HCN4: variants seen among roughly 807,000 people sequenced by gnomAD.
The protein encoded by HCN4 is potassium/sodium hyperpolarization-activated cyclic nucleotide-gated channel 4.
Under a neutral mutation model 76.9 loss-of-function variants are expected in HCN4, and 29 were observed. That is an observed-to-expected ratio of 0.38 (90% CI 0.28 to 0.51). HCN4 has a LOEUF of 0.51. Among genes scored for constraint, HCN4 ranks in the 20% least tolerant of loss-of-function variants. The pLI is 0.90. For synonymous variants in HCN4, 772 were observed against 762.5 expected, an observed-to-expected ratio of 1.01 and a Z score of -0.21; for missense variants, 1,416 against 1,715.2, an observed-to-expected ratio of 0.83 and a Z score of 3.08.
intron 4 of HCN4, among the ~76,000 whole-genome samples, chr15:73,327,634 C>T (rs1252574633): frequency 6.6e-6 from 1 of 152,024 alleles, no homozygotes; most frequent in Non-Finnish European, 1.5e-5. Flanking sequence ...TGGGCCCGGA[C>T]TAAGCCCTGA....
intron 1 of HCN4, among the ~76,000 whole-genome samples, chr15:73,351,167 T>C (rs539792343): frequency 6.6e-6 from 1 of 152,236 alleles, no homozygotes; most frequent in South Asian, 2.1e-4. Context: ...CCACTGACTT[T>C]TCTCTGTTCT....
intron 1 of HCN4, among the ~76,000 whole-genome samples, chr15:73,359,148 G>C (rs1056195002): frequency 3.9e-5 from 6 of 152,198 alleles, no homozygotes; most frequent in African/African-American, 1.4e-4. Context: ...GGCCCCCGCA[G>C]CTGCCGTGAT....
chr15:73,368,315 G>A lies in HCN4; in HGVS notation c.-45C>T. The A allele has an allele frequency of 7.2e-7, 1 of 1,383,990 alleles. No homozygotes were observed. The highest frequency in any genetic ancestry group is 3.1e-5 in the East Asian group (1 of 32,494). 85.7% of individuals were successfully genotyped at this position (1,383,990 alleles called of 1,614,324 possible). ...GGACCGGGCCGGGGGCAGGAGCGCG[G>A]CGCCGCGGACGGGCTCCAGGTCCGC... is the stretch of plus-strand genomic sequence containing the variant. On this transcript the variant is annotated 5_prime_UTR_variant, in exon 1 of 8. Coordinates refer to ENST00000261917, the MANE Select transcript of HCN4 (RefSeq NM_005477.3). The surrounding 1 kb of genome is among the most constrained non-coding windows in gnomAD (Gnocchi z 6.9).
At chr15:73,359,145 G>A (rs1294394299) in intron 1 of HCN4, among the ~76,000 whole-genome samples, 3 of 152,182 alleles carry the variant, frequency 2.0e-5, no homozygotes, top group African/African-American at 7.2e-5. Context: ...TCAGGCCCCC[G>A]CAGCTGCCGT....
Position 73,343,255 on chromosome 15 carries a change from G to T in HCN4, c.1209+130C>A. ...AGAGGTCAAGAACTTACTAGTATTTGTCCTCTTGGAGCAGGTGTGCCTGCC... is the reference window on the plus strand; with the variant it reads ...AGAGGTCAAGAACTTACTAGTATTTTTCCTCTTGGAGCAGGTGTGCCTGCC... On this transcript the variant is annotated intron_variant, in intron 2 of 7. Coordinates refer to ENST00000261917, the MANE Select transcript of HCN4 (RefSeq NM_005477.3). The surrounding 1 kb of genome is among the most constrained non-coding windows in gnomAD (Gnocchi z 5.7). The T allele has an allele frequency of 1.2e-6, 1 of 827,374 alleles. No individual in the cohort carries two copies. Among genetic ancestry groups the T allele is most frequent in the Non-Finnish European group, 2.0e-6 (1 of 499,204 alleles). The allele number at this position is 827,374 out of a possible 1,614,324, so 51.3% of individuals were successfully genotyped here. A position where few individuals can be genotyped will look rare whatever the true frequency, so the allele number is the denominator to read the frequency against.
chr15:73,322,598 C>G lies in HCN4; in HGVS notation c.3495G>C (p.Leu1165=), dbSNP rs1486925621. 1.9e-6 allele frequency: 3 copies of G among 1,611,512 alleles called. No individual in the cohort carries two copies. Among genetic ancestry groups the G allele is most frequent in the Non-Finnish European group, 2.5e-6 (3 of 1,179,156 alleles). ...KTSSGSLPPP[L]SLFGARATSS... ...AGGTGGCTCTTGCCCCAAACAAAGA[C>G]AGAGGGGGTGGCAAAGAACCTGAGG... The change falls in exon 8 of 8, where the codon CTG becomes CTC. Residue 1165 remains leucine, a synonymous_variant. Coordinates refer to ENST00000261917, the MANE Select transcript of HCN4 (RefSeq NM_005477.3).
At chr15:73,345,190 T>C (rs1343545439) in intron 1 of HCN4, among the ~76,000 whole-genome samples, 6 of 152,172 alleles carry the variant, frequency 3.9e-5, no homozygotes, top group Non-Finnish European at 8.8e-5. Context: ...GCAAATTGTT[T>C]GTTTGTTTGC....
Position 73,343,935 on chromosome 15 carries a change from G to C in HCN4, c.786-127C>G, listed in dbSNP as rs1349002528. 11 of 911,282 alleles carry C rather than the reference G, an allele frequency of 1.2e-5. No homozygotes were observed. Among genetic ancestry groups the C allele is most frequent in the Admixed American group, 1.9e-5 (1 of 52,890 alleles). 56.4% of individuals were successfully genotyped at this position (911,282 alleles called of 1,614,324 possible). A position where few individuals can be genotyped will look rare whatever the true frequency, so the allele number is the denominator to read the frequency against. On this transcript the variant is annotated intron_variant, in intron 1 of 7. Coordinates refer to ENST00000261917, the MANE Select transcript of HCN4 (RefSeq NM_005477.3). The surrounding 1 kb of genome is among the most constrained non-coding windows in gnomAD (Gnocchi z 5.7). ...TGGGAGGTTCTGAGACAGGAAGACAGGCACATGGGTACCAGGGCAAGATGT... is the reference window on the plus strand; with the variant it reads ...TGGGAGGTTCTGAGACAGGAAGACACGCACATGGGTACCAGGGCAAGATGT...
intron 1 of HCN4, among the ~76,000 whole-genome samples, chr15:73,353,573 T>C (rs1465419610): frequency 6.6e-6 from 1 of 152,086 alleles, no homozygotes; most frequent in Non-Finnish European, 1.5e-5. Context: ...TTGATAACTG[T>C]CTGAAAGCAC....
chr15:73,324,311 C>T (rs1159274010), intron 6 of HCN4, 58 bp from the exon 7 acceptor site: 21 of 1,572,916 alleles, frequency 1.3e-5, no homozygotes, highest in Middle Eastern at 1.8e-4. Flanking sequence ...GCCAGGGGGA[C>T]TGCCCACCCT....
rs74933243 is a variant in HCN4, at chr15:73,320,088, G to C, written c.*2393C>G. 7,475 of 152,370 alleles carry C rather than the reference G, an allele frequency of 0.049. 254 individuals carry two copies. Among genetic ancestry groups the C allele is most frequent in the Admixed American group, 0.087 (1,330 of 15,286 alleles). 9.4% of individuals were successfully genotyped at this position (152,370 alleles called of 1,614,324 possible). On this transcript the variant is annotated 3_prime_UTR_variant, in exon 8 of 8. Coordinates refer to ENST00000261917, the MANE Select transcript of HCN4 (RefSeq NM_005477.3). ...TGGTTAGGCCAGGCTCTGATGGCAA[G>C]GGGGCTCCTCATGGCCCTGGACCCT...
chr15:73,334,299 TG>T (rs1222188044), intron 2 of HCN4, among the ~76,000 whole-genome samples: 1 of 152,262 alleles, frequency 6.6e-6, no homozygotes, highest in Admixed American at 6.5e-5. Context: ...GGCTGGGGCC[TG>T]GGTCTGGGAC....
At chr15:73,352,416 G>T (rs1019449999) in intron 1 of HCN4, among the ~76,000 whole-genome samples, 1 of 152,156 alleles carries the variant, frequency 6.6e-6, no homozygotes, top group East Asian at 1.9e-4. Flanking sequence ...AACAGCCCTC[G>T]GCAGGTGGTC....
Position 73,323,955 on chromosome 15 carries a change from C to T in HCN4, c.2144-6G>A. The T allele has an allele frequency of 6.2e-7, 1 of 1,606,470 alleles. No individual in the cohort carries two copies. The highest frequency in any genetic ancestry group is 1.3e-5 in the African/African-American group (1 of 75,022). ...GAGGATGGAGTTCTTCTTGCCTGGG[C>T]CACAGAACAAGAACAGGCACTCAGG... is the stretch of plus-strand genomic sequence containing the variant. On this transcript the variant is annotated splice_polypyrimidine_tract_variant and splice_region_variant and intron_variant, in intron 7 of 7. Coordinates refer to ENST00000261917, the MANE Select transcript of HCN4 (RefSeq NM_005477.3).
In HCN4 at chr15:73,325,518, G is replaced by T; in HGVS notation, c.1591-74C>A. The T allele has an allele frequency of 1.3e-6, 2 of 1,506,212 alleles. No homozygotes were observed. Among genetic ancestry groups the T allele is most frequent in the Non-Finnish European group, 9.2e-7 (1 of 1,082,110 alleles). The allele number at this position is 1,506,212 out of a possible 1,614,324, so 93.3% of individuals were successfully genotyped here. A position where few individuals can be genotyped will look rare whatever the true frequency, so the allele number is the denominator to read the frequency against. ...AGCAGCCAGCCCCACCACCTCGGCA[G>T]GCACCACATCCGGGCACCCACCCCG... On this transcript the variant is annotated intron_variant, in intron 4 of 7. Transcript: ENST00000261917. The surrounding 1 kb of genome is among the most constrained non-coding windows in gnomAD (Gnocchi z 7.4).
chr15:73,345,615 G>A (rs910232412), intron 1 of HCN4, among the ~76,000 whole-genome samples: 7 of 152,120 alleles, frequency 4.6e-5, no homozygotes, highest in African/African-American at 1.7e-4. Context: ...GCTCTACCCA[G>A]CCACATAGAC....
Position 73,344,260 on chromosome 15 carries a change from T to C in HCN4, c.786-452A>G, listed in dbSNP as rs183544583. Among the ~76,000 whole-genome samples, 299 of 152,246 alleles carry C rather than the reference T, an allele frequency of 2.0e-3. 1 individual carries two copies. Among genetic ancestry groups the C allele is most frequent in the African/African-American group, 6.7e-3 (280 of 41,550 alleles). On this transcript the variant is annotated intron_variant, in intron 1 of 7. Transcript: ENST00000261917. ...TGTCAGGGAGACATTCCACAGACCA[T>C]GACCAAAGAGCAGGGGAGGTACAGA...
chr15:73,341,894 C>G (rs577242268), intron 2 of HCN4, among the ~76,000 whole-genome samples: 1 of 152,308 alleles, frequency 6.6e-6, no homozygotes, highest in African/African-American at 2.4e-5. Flanking sequence ...CAGTCGAGGC[C>G]CAGGCTGCTG....
chr15:73,334,848 C>T (rs986346034), intron 2 of HCN4, among the ~76,000 whole-genome samples: 1 of 152,152 alleles, frequency 6.6e-6, no homozygotes, highest in Non-Finnish European at 1.5e-5. Context: ...AGGGACTGCA[C>T]CTTTGTGTCC....
Sources: allele counts gnomAD v4.1 joint callset (sites outside exome capture counted in the v4.1 genomes callset), GRCh38; gene constraint gnomAD v4.1.1; non-coding constraint Gnocchi (gnomAD v3.1); transcripts MANE v1.5; gene names NCBI Gene and HGNC (gene_info 2026-07-23, HGNC 2026-07-21).